The following ADAMTS6 variants were observed in gnomAD, a reference collection of about 807,000 sequenced individuals.
ADAMTS6 encodes A disintegrin and metalloproteinase with thrombospondin motifs 6.
In ADAMTS6, 23 loss-of-function variants were observed where a neutral mutation model predicts 144.3. The ratio of observed to expected loss-of-function variants is 0.16; its 90% CI spans 0.11 to 0.23. The LOEUF (loss-of-function observed/expected upper bound fraction) is 0.23. ADAMTS6 is among the 10% of genes least tolerant of loss of function. The pLI, the probability that ADAMTS6 is intolerant of heterozygous loss-of-function variation, is 1.00. For missense variants in ADAMTS6, 999 were observed against 1,379.6 expected (o/e 0.72, Z 4.37); for synonymous variants, 444 against 457.5 (o/e 0.97, Z 0.38).
chr5:65,470,872 C>G lies in ADAMTS6; in HGVS notation c.368G>C (p.Trp123Ser). 6.2e-7 allele frequency: 1 copy of G among 1,609,920 alleles called. No individual in the cohort carries two copies. The highest frequency in any genetic ancestry group is 8.5e-7 in the Non-Finnish European group (1 of 1,178,850). ...ACAGTTGTCTAAAAAATCATGTTTCCACTGGGGTCCATCTTTCCCCCAATA... is the reference window on the plus strand; with the variant it reads ...ACAGTTGTCTAAAAAATCATGTTTCGACTGGGGTCCATCTTTCCCCCAATA... The part of the protein sequence containing the change: ...VEYWGKDGPQ[W>S]KHDFLDNCHY... Residue 123 changes from tryptophan (W) to serine (S), a missense_variant, in exon 3 of 25, where the codon TGG (tryptophan) becomes TCG (serine). Around this residue, in one of 3 missense-constraint regions of ADAMTS6, gnomAD observed 252 missense variants for 293.7 expected, o/e 0.86. Coordinates refer to ENST00000381055, the MANE Select transcript of ADAMTS6 (RefSeq NM_197941.4).
intron 24 of ADAMTS6, among the ~76,000 whole-genome samples, chr5:65,167,309 T>C (rs1365888747): frequency 6.6e-6 from 1 of 152,136 alleles, no homozygotes; most frequent in African/African-American, 2.4e-5. Flanking sequence ...CCTCGACACA[T>C]ACACCCTCCC....
At chr5:65,315,249 CTTAGA>C (rs1211182243) in intron 9 of ADAMTS6, among the ~76,000 whole-genome samples, 1 of 151,734 alleles carries the variant, frequency 6.6e-6, no homozygotes, top group African/African-American at 2.4e-5. Flanking sequence ...TGAAGGCAGA[CTTAGA>C]TTAGTTAGAA....
At chr5:65,276,002 G>A (rs1263961008) in intron 11 of ADAMTS6, among the ~76,000 whole-genome samples, 1 of 151,112 alleles carries the variant, frequency 6.6e-6, no homozygotes, top group Non-Finnish European at 1.5e-5. Flanking sequence ...GTTTACTTTA[G>A]ACAAAACTAA....
intron 7 of ADAMTS6, among the ~76,000 whole-genome samples, chr5:65,373,315 A>C (rs1346170253): frequency 6.6e-6 from 1 of 151,770 alleles, no homozygotes; most frequent in Non-Finnish European, 1.5e-5. Context: ...CAATGAATCC[A>C]GGAGCTGGTT....
At chr5:65,349,598 T>C (rs111803697) in intron 7 of ADAMTS6, among the ~76,000 whole-genome samples, 6 of 152,236 alleles carry the variant, frequency 3.9e-5, no homozygotes, top group African/African-American at 1.4e-4. Flanking sequence ...CTCACACTTG[T>C]AATCCCAGCA....
chr5:65,425,145 C>T (rs1039401993), intron 7 of ADAMTS6, among the ~76,000 whole-genome samples: 7 of 152,080 alleles, frequency 4.6e-5, no homozygotes, highest in Non-Finnish European at 7.4e-5. Flanking sequence ...TACAGGCGCA[C>T]GGCACCATGT....
intron 10 of ADAMTS6, among the ~76,000 whole-genome samples, chr5:65,292,291 A>G (rs1317736738): frequency 6.6e-6 from 1 of 151,906 alleles, no homozygotes. Context: ...TTTTACTTTC[A>G]TTTCACATGT....
intron 10 of ADAMTS6, among the ~76,000 whole-genome samples, chr5:65,293,897 A>G (rs1048462773): frequency 6.6e-6 from 1 of 152,252 alleles, no homozygotes; most frequent in African/African-American, 2.4e-5. Flanking sequence ...TTTTTACAGA[A>G]GAATAAAACA....
At position 65,170,730 on chromosome 5, in the gene ADAMTS6, T is replaced by C. The variant is rs1753565655; in HGVS notation, c.3131A>G (p.Gln1044Arg). 4 of 1,614,060 alleles carry C rather than the reference T, an allele frequency of 2.5e-6. No homozygotes were observed. Among genetic ancestry groups the C allele is most frequent in the Non-Finnish European group, 3.4e-6 (4 of 1,180,038 alleles). ...TGCCTGTCCGGTGTAGGAGAGACAC[T>C]GCACAGTTCTCATCTGCTGTCCAAG... ...CGLGQQMRTV[Q>R]CLSYTGQASS... Residue 1044 changes from glutamine to arginine, a missense_variant, in exon 24 of 25, where the codon CAG (glutamine) becomes CGG (arginine). Transcript: ENST00000381055.
At chr5:65,354,555 A>C (rs1749149619) in intron 7 of ADAMTS6, among the ~76,000 whole-genome samples, 1 of 151,838 alleles carries the variant, frequency 6.6e-6, no homozygotes, top group Non-Finnish European at 1.5e-5. Flanking sequence ...AATTTATTAG[A>C]TATGGCTAAT....
rs370269447 is a variant in ADAMTS6 at position 65,391,219 on chromosome 5, CTTGT to C, written c.1074-57138_1074-57135del. Among the ~76,000 whole-genome samples the C allele has an allele frequency of 7.3e-3, 1,114 of 151,966 alleles. 7 individuals carry two copies. Among genetic ancestry groups the C allele is most frequent in the Non-Finnish European group, 0.011 (728 of 67,968 alleles). ...ACAGGTATGAACCACGAAGCCTGGCCTTGTTTGTTTGTTTAATTTCAAAATGAGG... is the reference window on the plus strand; with the variant it reads ...ACAGGTATGAACCACGAAGCCTGGCCTTGTTTGTTTAATTTCAAAATGAGG... On this transcript the variant is annotated intron_variant, in intron 7 of 24. Coordinates refer to ENST00000381055, the MANE Select transcript of ADAMTS6 (RefSeq NM_197941.4).
At chr5:65,390,229 G>T (rs11749770) in intron 7 of ADAMTS6, among the ~76,000 whole-genome samples, 17,307 of 152,156 alleles carry the variant, frequency 0.11, 1,129 homozygotes, top group African/African-American at 0.15. Flanking sequence ...ATTTCACCTG[G>T]TGTTGTGACT....
chr5:65,356,073 A>G (rs893427599), intron 7 of ADAMTS6, among the ~76,000 whole-genome samples: 1 of 151,706 alleles, frequency 6.6e-6, no homozygotes, highest in Non-Finnish European at 1.5e-5. Flanking sequence ...TTTTTTTAGT[A>G]TCAGGGCTCC....
intron 24 of ADAMTS6, among the ~76,000 whole-genome samples, chr5:65,164,363 C>G (rs57268119): frequency 0.13 from 19,400 of 149,296 alleles, 1,802 homozygotes; most frequent in African/African-American, 0.27. Flanking sequence ...TATCCCGCAC[C>G]TGGCTCGGAG....
chr5:65,370,299 G>A (rs1006255102), intron 7 of ADAMTS6, among the ~76,000 whole-genome samples: 4 of 152,110 alleles, frequency 2.6e-5, no homozygotes, highest in Non-Finnish European at 1.5e-5. Context: ...AAACAGCTCC[G>A]GTCTATAGCT....
chr5:65,226,143 G>A lies in ADAMTS6; in HGVS notation c.2010C>T (p.Ile670=), dbSNP rs150199831. 1,518 of 1,613,846 alleles carry A rather than the reference G, an allele frequency of 9.4e-4. 7 individuals carry two copies. In the African/African-American group the frequency reaches 0.016, roughly 17 times the overall value. ...NFYTERAPAV[I]DGTQCNADSL... ...AATCCGCATTGCACTGGGTCCCATC[G>A]ATCACCGCAGGAGCACGTTCAGTGT... The change falls in exon 16 of 25, where the codon ATC becomes ATT. Residue 670 remains isoleucine, a synonymous_variant. Coordinates refer to ENST00000381055, the MANE Select transcript of ADAMTS6 (RefSeq NM_197941.4).
Position 65,308,633 on chromosome 5 carries a change from A to G in ADAMTS6, c.1224-8502T>C, listed in dbSNP as rs182590866. Among the ~76,000 whole-genome samples, 295 of 152,254 alleles carry G rather than the reference A, an allele frequency of 1.9e-3. 2 individuals carry two copies. Among genetic ancestry groups the G allele is most frequent in the African/African-American group, 6.8e-3 (283 of 41,558 alleles). ...ATCCAAAGGTTTCTCTCTTCTCTGG[A>G]GCATAACTCTCCCTGGATGGCCCTA... On this transcript the variant is annotated intron_variant, in intron 9 of 24. Transcript: ENST00000381055.
intron 15 of ADAMTS6, among the ~76,000 whole-genome samples, chr5:65,237,201 C>A (rs1758735020): frequency 6.6e-6 from 1 of 151,724 alleles, no homozygotes. Context: ...TGAGAACAGC[C>A]TAGACAACAT....
chr5:65,284,017 C>G (rs949603729), intron 11 of ADAMTS6, among the ~76,000 whole-genome samples: 16 of 152,064 alleles, frequency 1.1e-4, no homozygotes, highest in Non-Finnish European at 2.2e-4. Context: ...TCCCTGCTAT[C>G]CTCTCCCAAG....
Sources: gnomAD v4.1 joint callset for allele counts (sites outside exome capture counted in the v4.1 genomes callset) on GRCh38, gnomAD v4.1.1 for gene constraint, gnomAD v4.1.1 regional missense constraint, MANE v1.5 for transcripts, NCBI Gene and HGNC (gene_info 2026-07-23, HGNC 2026-07-21) for gene names.